Variants in COL8A1 observed in about 807,000 individuals in gnomAD.
The protein encoded by COL8A1 is collagen type VIII alpha 1 chain, also known as collagen alpha-1(VIII) chain.
COL8A1 carries 21 observed loss-of-function variants against 42.7 expected under a neutral mutation model. That is an observed-to-expected ratio of 0.49 (90% CI 0.35 to 0.71). The LOEUF is 0.71. Ranked by LOEUF, COL8A1 falls within the 30% of genes least tolerant of loss-of-function variation. COL8A1 has a pLI of 0.01. For missense variants in COL8A1, 788 were observed against 962.4 expected, an observed-to-expected ratio of 0.82 and a Z score of 2.40; for synonymous variants, 367 against 369.1, an observed-to-expected ratio of 0.99 and a Z score of 0.06.
At chr3:99,728,088 G>A (rs1289137068) in intron 1 of COL8A1, among the ~76,000 whole-genome samples, 1 of 151,776 alleles carries the variant, frequency 6.6e-6, no homozygotes, top group Non-Finnish European at 1.5e-5. Flanking sequence ...GCACAAGACA[G>A]GGATACCCTC....
chr3:99,723,954 C>T (rs1360303451), intron 1 of COL8A1, among the ~76,000 whole-genome samples: 2 of 152,108 alleles, frequency 1.3e-5, no homozygotes, highest in Non-Finnish European at 2.9e-5. Flanking sequence ...TGCTGTACTT[C>T]TCTGCTTATA....
At chr3:99,718,324 G>T (rs1940058429) in intron 1 of COL8A1, among the ~76,000 whole-genome samples, 1 of 152,020 alleles carries the variant, frequency 6.6e-6, no homozygotes, top group Non-Finnish European at 1.5e-5. Flanking sequence ...TGATGAATGA[G>T]CTCAGAGTAG....
chr3:99,639,947 C>T (rs1342260502), intron 1 of COL8A1, among the ~76,000 whole-genome samples: 1 of 152,170 alleles, frequency 6.6e-6, no homozygotes, highest in Non-Finnish European at 1.5e-5. Flanking sequence ...AAAGAAAAAA[C>T]TCACCGAAGC....
intron 2 of COL8A1, among the ~76,000 whole-genome samples, chr3:99,778,064 T>C (rs552771716): frequency 1.8e-4 from 27 of 152,252 alleles, no homozygotes; most frequent in South Asian, 8.3e-4. Flanking sequence ...GAGAAAAGAA[T>C]TGTGGAACTT....
chr3:99,662,510 G>C (rs1483548504), intron 1 of COL8A1, among the ~76,000 whole-genome samples: 1 of 152,138 alleles, frequency 6.6e-6, no homozygotes, highest in Non-Finnish European at 1.5e-5. Context: ...AAAAGATGCT[G>C]TACATATGCA....
At chr3:99,749,863 C>A (rs1941103264) in intron 2 of COL8A1, among the ~76,000 whole-genome samples, 1 of 151,708 alleles carries the variant, frequency 6.6e-6, no homozygotes, top group Non-Finnish European at 1.5e-5. Flanking sequence ...ATCAAAATGG[C>A]TCTAAGAAAA....
chr3:99,786,428 G>A (rs1035929079), intron 2 of COL8A1, among the ~76,000 whole-genome samples: 21 of 152,086 alleles, frequency 1.4e-4, no homozygotes, highest in Non-Finnish European at 2.2e-4. Flanking sequence ...TATCATGTAA[G>A]GATACAGCAA....
At chr3:99,753,445 G>C (rs748071986) in intron 2 of COL8A1, among the ~76,000 whole-genome samples, 31 of 152,160 alleles carry the variant, frequency 2.0e-4, no homozygotes. Context: ...CTGGAGTTTT[G>C]TTAAAGGCTC....
chr3:99,659,110 T>C (rs1396063733), intron 1 of COL8A1, among the ~76,000 whole-genome samples: 1 of 152,212 alleles, frequency 6.6e-6, no homozygotes, highest in Non-Finnish European at 1.5e-5. Context: ...AGCAGATGCC[T>C]TTCCCTGATG....
rs369750736 is a variant in COL8A1, at chr3:99,794,251, G to T, written c.350G>T (p.Arg117Leu). The T allele has an allele frequency of 6.3e-7, 1 of 1,590,452 alleles. No homozygotes were observed. Among genetic ancestry groups the T allele is most frequent in the Admixed American group, 1.8e-5 (1 of 55,310 alleles). ...KGKEIPLASL[R>L]GEQGPRGEPG... ...GTAGAAATACCATTAGCCAGTTTACGAGGGGAACAAGGTCCCCGTGGAGAG... is the reference window on the plus strand; with the variant it reads ...GTAGAAATACCATTAGCCAGTTTACTAGGGGAACAAGGTCCCCGTGGAGAG... The change falls in exon 4 of 4, where the codon CGA (arginine) becomes CTA (leucine). Residue 117 changes from arginine to leucine, a missense_variant. Around this residue, in one of 4 missense-constraint regions of COL8A1, gnomAD observed 421 missense variants for 553.1 expected, o/e 0.76. Transcript: ENST00000652472. This position sits in a 1 kb window ranked among gnomAD's most constrained non-coding sequence, Gnocchi z 4.3.
intron 1 of COL8A1, among the ~76,000 whole-genome samples, chr3:99,695,475 G>C (rs972129628): frequency 2.0e-5 from 3 of 152,098 alleles, no homozygotes; most frequent in Admixed American, 1.3e-4. Flanking sequence ...TCATGGGTGA[G>C]ATTTGCAGTT....
Position 99,732,900 on chromosome 3 carries a change from C to T in COL8A1, c.-128-11997C>T, listed in dbSNP as rs147240902. Among the ~76,000 whole-genome samples the T allele has an allele frequency of 1.9e-4, 29 of 152,128 alleles. 1 individual carries two copies. In the East Asian group the frequency reaches 5.2e-3, roughly 27 times the overall value. The stretch of plus-strand genomic sequence containing the variant: ...GGGTACAGGTATTGGGAAAATACAC[C>T]CTTTCCAAATGGCAGAAATTGGCCA... On this transcript the variant is annotated intron_variant, in intron 1 of 3. Coordinates refer to ENST00000652472, the MANE Select transcript of COL8A1 (RefSeq NM_020351.4).
chr3:99,680,609 C>T (rs1413239455), intron 1 of COL8A1: 2 of 152,160 alleles, frequency 1.3e-5, no homozygotes, highest in Non-Finnish European at 2.9e-5. Flanking sequence ...TACAGTCCCA[C>T]CAACAGTGTA....
chr3:99,743,377 G>A (rs943652121), intron 1 of COL8A1, among the ~76,000 whole-genome samples: 1 of 152,170 alleles, frequency 6.6e-6, no homozygotes, highest in Admixed American at 6.5e-5. Flanking sequence ...CAAAGTGCAG[G>A]GTGCTGCTGT....
At position 99,794,526 on chromosome 3, in the gene COL8A1, A is replaced by G. The variant is rs1942064879; in HGVS notation, c.625A>G (p.Lys209Glu). Residue 209 changes from lysine to glutamate, a missense_variant, in exon 4 of 4, where the codon AAG becomes GAG. By Grantham distance (56) the Lys-to-Glu change is moderately conservative. Transcript: ENST00000652472. This position sits in a 1 kb window ranked among gnomAD's most constrained non-coding sequence, Gnocchi z 4.3. ...PGPHGLPGIG[K>E]PGGPGLPGQP... is the part of the protein sequence containing the mutation. ...GCCTCATGGACTTCCTGGCATTGGG[A>G]AGCCAGGTGGGCCAGGGTTACCAGG... 7 of 1,613,774 alleles carry G rather than the reference A, an allele frequency of 4.3e-6. No homozygotes were observed. Among genetic ancestry groups the G allele is most frequent in the African/African-American group, 1.3e-5 (1 of 74,872 alleles).
chr3:99,761,390 T>C (rs1295869655), intron 2 of COL8A1, among the ~76,000 whole-genome samples: 2 of 152,136 alleles, frequency 1.3e-5, no homozygotes, highest in African/African-American at 2.4e-5. Context: ...GAGGACACAA[T>C]GATTGTAAAT....
At chr3:99,754,219 C>A (rs368390131) in intron 2 of COL8A1, among the ~76,000 whole-genome samples, 1 of 152,096 alleles carries the variant, frequency 6.6e-6, no homozygotes, top group East Asian at 1.9e-4. Context: ...ATCATTTTTC[C>A]ACCTGCTATA....
chr3:99,727,622 A>G (rs765669585), intron 1 of COL8A1, among the ~76,000 whole-genome samples: 1 of 151,988 alleles, frequency 6.6e-6, no homozygotes, highest in Non-Finnish European at 1.5e-5. Flanking sequence ...AGATGGTTGT[A>G]GATATGCGGC....
intron 1 of COL8A1, among the ~76,000 whole-genome samples, chr3:99,661,989 G>A (rs1262869988): frequency 6.6e-6 from 1 of 152,126 alleles, no homozygotes; most frequent in Non-Finnish European, 1.5e-5. Flanking sequence ...ATTTTTAAAT[G>A]GGCATAGAGT....
Sources: gnomAD v4.1 joint callset for allele counts (sites outside exome capture counted in the v4.1 genomes callset) on GRCh38, gnomAD v4.1.1 for gene constraint, gnomAD v4.1.1 regional missense constraint, Gnocchi (gnomAD v3.1) non-coding constraint, MANE v1.5 for transcripts, NCBI Gene and HGNC (gene_info 2026-07-23, HGNC 2026-07-21) for gene names.